Variants in AP1B1 observed in about 807,000 individuals in gnomAD.
The protein encoded by AP1B1 is AP-1 complex subunit beta-1.
Under a neutral mutation model 104.3 loss-of-function variants are expected in AP1B1, and 36 were observed. The ratio of observed to expected loss-of-function variants is 0.35; its 90% CI spans 0.26 to 0.46. AP1B1 has a LOEUF of 0.46. AP1B1 is among the 20% of genes least tolerant of loss of function. The pLI is 1.00. For synonymous variants in AP1B1, 504 were observed against 517.5 expected, an observed-to-expected ratio of 0.97 and a Z score of 0.35; for missense variants, 901 against 1,247.9, an observed-to-expected ratio of 0.72 and a Z score of 4.19.
At position 29,359,804 on chromosome 22, in the gene AP1B1, C is replaced by A. The variant is rs752521826; in HGVS notation, c.279+20G>T. The stretch of plus-strand genomic sequence containing the variant: ...GCCTTAAGCACCCAATGTCCCCACG[C>A]CCACCAAGCGTCTGCTCACCTTCAC... On this transcript the variant is annotated intron_variant, in intron 4 of 22. Transcript: ENST00000357586. 8 of 1,607,428 alleles carry A rather than the reference C, an allele frequency of 5.0e-6. No homozygotes were observed. In the South Asian group the frequency reaches 8.9e-5, roughly 18 times the overall value.
At position 29,388,566 on chromosome 22, in the gene AP1B1, G is replaced by A. The variant is rs976398124; in HGVS notation, c.-170C>T. 1 of 152,288 alleles carries A rather than the reference G, an allele frequency of 6.6e-6. No individual in the cohort carries two copies. The highest frequency in any genetic ancestry group is 2.4e-5 in the African/African-American group (1 of 41,472). 9.4% of individuals were successfully genotyped at this position (152,288 alleles called of 1,614,324 possible). ...CGGCTGTCACCTGCCGGGCGGAAGT[G>A]AGCTGCCCGCGCGCGGGTACTTCCG... On this transcript the variant is annotated 5_prime_UTR_variant, in exon 1 of 23. Transcript: ENST00000357586.
intron 11 of AP1B1, among the ~76,000 whole-genome samples, chr22:29,346,796 G>C (rs191386780): frequency 1.3e-4 from 20 of 151,914 alleles, no homozygotes; most frequent in East Asian, 1.2e-3. Context: ...GGTGGCAGTG[G>C]GGGGGGGTGA....
intron 3 of AP1B1, among the ~76,000 whole-genome samples, chr22:29,362,136 C>T (rs1042356230): frequency 4.6e-5 from 7 of 152,094 alleles, no homozygotes; most frequent in East Asian, 1.9e-4. Context: ...GGTCACTGGG[C>T]GCTCCCACAG....
In AP1B1 at chr22:29,329,305, G is replaced by C. The variant is rs930205742; in HGVS notation, c.2775+407C>G. 9 of 1,171,718 alleles carry C rather than the reference G, an allele frequency of 7.7e-6. No individual in the cohort carries two copies. The African/African-American group carries it at 1.4e-4, about 19-fold the overall frequency. The allele number at this position is 1,171,718 out of a possible 1,614,324, so 72.6% of individuals were successfully genotyped here. A position where few individuals can be genotyped will look rare whatever the true frequency, so the allele number is the denominator to read the frequency against. ...GAGGGCTGGGAGGGAGCCTGGAGGG[G>C]TGCTGGGCTCATTCCTGGTTTCCTG... is the stretch of plus-strand genomic sequence containing the variant. On this transcript the variant is annotated intron_variant, in intron 22 of 22. Transcript: ENST00000357586.
In AP1B1 at chr22:29,362,656, T is replaced by G. The variant is rs1231215305; in HGVS notation, c.143+345A>C. On this transcript the variant is annotated intron_variant, in intron 3 of 22. Transcript: ENST00000357586. ...CACCGCGCCTGGCCCAGATTTCCCA[T>G]TCTTTTAAAAACCAGAAGACCTGGC... Among the ~76,000 whole-genome samples, 3 of 152,158 alleles carry G rather than the reference T, an allele frequency of 2.0e-5. No homozygotes were observed. In the East Asian group the frequency reaches 5.8e-4, roughly 29 times the overall value.
chr22:29,333,119 C>T (rs1021256483), intron 17 of AP1B1: 3 of 154,568 alleles, frequency 1.9e-5, no homozygotes, highest in African/African-American at 4.8e-5. Context: ...CCCCTAGCCC[C>T]GGTCTGCCCA....
At chr22:29,360,396 A>G (rs954596072) in intron 3 of AP1B1, among the ~76,000 whole-genome samples, 1 of 152,208 alleles carries the variant, frequency 6.6e-6, no homozygotes, top group African/African-American at 2.4e-5. Flanking sequence ...CTGGTCCTTG[A>G]TATCTGGGAG....
intron 1 of AP1B1, among the ~76,000 whole-genome samples, chr22:29,387,344 G>A (rs1428105550): frequency 1.5e-5 from 2 of 136,046 alleles, no homozygotes; most frequent in Admixed American, 8.3e-5. Flanking sequence ...GTCTCACTCC[G>A]TGGCCCAGGC....
intron 2 of AP1B1, 147 bp from the exon 3 acceptor site, chr22:29,363,253 T>A: frequency 1.6e-6 from 1 of 606,724 alleles, no homozygotes. Context: ...TGGCCTCAGG[T>A]GGGCCAGGCA....
intron 3 of AP1B1, among the ~76,000 whole-genome samples, chr22:29,362,408 A>G (rs1475883116): frequency 1.3e-5 from 2 of 150,798 alleles, no homozygotes; most frequent in Non-Finnish European, 2.9e-5. Context: ...CTGCAGTGGC[A>G]CAATCTCAGC....
intron 2 of AP1B1, among the ~76,000 whole-genome samples, chr22:29,366,350 A>G (rs1034496616): frequency 6.6e-6 from 1 of 152,192 alleles, no homozygotes; most frequent in East Asian, 1.9e-4. Context: ...ATGAAAATAC[A>G]TGCCTGACCG....
chr22:29,351,940 T>C, intron 7 of AP1B1, 115 bp from the exon 8 acceptor site: 1 of 1,387,778 alleles, frequency 7.2e-7, no homozygotes, highest in African/African-American at 1.4e-5. Context: ...CTGATGTCTG[T>C]GAAGGCAGAG....
chr22:29,374,982 A>AC (rs1167935051), intron 1 of AP1B1, among the ~76,000 whole-genome samples: 1 of 152,102 alleles, frequency 6.6e-6, no homozygotes, highest in Non-Finnish European at 1.5e-5. Context: ...ACACAGTAAG[A>AC]CCCCAACTCT....
chr22:29,337,990 A>G (rs1324762572), intron 16 of AP1B1, among the ~76,000 whole-genome samples: 3 of 152,222 alleles, frequency 2.0e-5, no homozygotes, highest in South Asian at 2.1e-4. Flanking sequence ...AGAAACGCTC[A>G]GCCTGGCCCG....
At chr22:29,375,349 CAAAAAAAAAAAAAA>C (rs547697174) in intron 1 of AP1B1, among the ~76,000 whole-genome samples, 5 of 57,376 alleles carry the variant, frequency 8.7e-5, no homozygotes, top group African/African-American at 3.2e-4. Flanking sequence ...GATTCCATCA[CAAAAAAAAAAAAAA>C]AAAAAAAAAA....
At chr22:29,359,993 GCTGAAC>G in intron 3 of AP1B1, 34 bp from the exon 4 acceptor site, 2 of 1,599,592 alleles carry the variant, frequency 1.3e-6, no homozygotes, top group Non-Finnish European at 1.7e-6. Context: ...CATGGGAAAG[GCTGAAC>G]AAAGGAAGAG....
chr22:29,354,976 C>G, intron 6 of AP1B1, 105 bp from the exon 7 acceptor site: 1 of 1,024,872 alleles, frequency 9.8e-7, no homozygotes, highest in East Asian at 2.6e-5. Context: ...TAGTTCACGC[C>G]TGTAATCCCA....
chr22:29,366,039 C>T (rs1302002349), intron 2 of AP1B1, among the ~76,000 whole-genome samples: 2 of 152,136 alleles, frequency 1.3e-5, no homozygotes, highest in African/African-American at 2.4e-5. Context: ...GGTCCTGGAT[C>T]AGCTGATCCA....
chr22:29,331,317 G>T, intron 19 of AP1B1, 132 bp downstream of exon 19: 2 of 910,282 alleles, frequency 2.2e-6, no homozygotes, highest in South Asian at 2.9e-5. Flanking sequence ...GGCCCTGCAG[G>T]GAAGCAGCAA....
Sources: allele counts gnomAD v4.1 joint callset (sites outside exome capture counted in the v4.1 genomes callset), GRCh38; gene constraint gnomAD v4.1.1; transcripts MANE v1.5; gene names NCBI Gene and HGNC (gene_info 2026-07-23, HGNC 2026-07-21).